The following MICAL3 variants were observed in gnomAD, a reference collection of about 807,000 sequenced individuals.
The protein encoded by MICAL3 is [F-actin]-monooxygenase MICAL3.
In MICAL3, 62 loss-of-function variants were observed where a neutral mutation model predicts 207.4. The ratio of observed to expected loss-of-function variants is 0.30; its 90% confidence interval spans 0.24 to 0.37. MICAL3 has a LOEUF of 0.37. MICAL3 is among the 10% of genes least tolerant of loss of function. The pLI is 1.00. For synonymous variants in MICAL3, 1,077 were observed against 1,069.3 expected (o/e 1.01, Z -0.14); for missense variants, 2,368 against 2,635.6 (o/e 0.90, Z 2.22).
Position 17,953,930 on chromosome 22 carries a change from C to CAAAAAAAAAAAAAAAAAAAAAAAAAAA in MICAL3, c.-74-47071_-74-47045dup, listed in dbSNP as rs59740388. ...CAGGTGACAGAGTAAGACTCCATCT[C>CAAAAAAAAAAAAAAAAAAAAAAAAAAA]AAAAAAAAAAAAAAAAAAAAAAAAA... On this transcript the variant is annotated intron_variant, in intron 1 of 31. Coordinates refer to ENST00000441493, the MANE Select transcript of MICAL3 (RefSeq NM_015241.3). 4.9e-4 allele frequency among the ~76,000 whole-genome samples: 42 copies of CAAAAAAAAAAAAAAAAAAAAAAAAAAA among 86,518 alleles called. 3 individuals are homozygous for CAAAAAAAAAAAAAAAAAAAAAAAAAAA. Among genetic ancestry groups the CAAAAAAAAAAAAAAAAAAAAAAAAAAA allele is most frequent in the South Asian group, 1.4e-3 (3 of 2,076 alleles). 56.8% of individuals were successfully genotyped at this position (86,518 alleles called of 152,430 possible).
chr22:17,802,612 T>C (rs779443568), intron 29 of MICAL3, among the ~76,000 whole-genome samples: 1 of 152,154 alleles, frequency 6.6e-6, no homozygotes, highest in Non-Finnish European at 1.5e-5. Flanking sequence ...ACAGTCTCTC[T>C]TCCCAGGGAG....
At chr22:17,877,209 G>A (rs1386951795) in intron 16 of MICAL3, among the ~76,000 whole-genome samples, 4 of 114,126 alleles carry the variant, frequency 3.5e-5, no homozygotes, top group East Asian at 2.5e-4. Flanking sequence ...GGAGGTTATG[G>A]AGGTTATGGA....
rs146112015 is a variant in MICAL3 at position 17,863,702 on chromosome 22, T to G, written c.2605+1197A>C. On this transcript the variant is annotated intron_variant, in intron 19 of 31. Coordinates refer to ENST00000441493, the MANE Select transcript of MICAL3 (RefSeq NM_015241.3). Reference sequence around the variant, plus strand: ...GGCTCCCAGGGCACACCGCCTAGCCTCTGGGCGCATCTTCCCTCTCCCAGA... The same window carrying G: ...GGCTCCCAGGGCACACCGCCTAGCCGCTGGGCGCATCTTCCCTCTCCCAGA... The G allele has an allele frequency of 4.9e-4, 485 of 985,410 alleles. 1 individual carries two copies. In the African/African-American group the frequency reaches 7.9e-3, roughly 16 times the overall value. 61.0% of individuals were successfully genotyped at this position (985,410 alleles called of 1,614,324 possible).
intron 18 of MICAL3, 76 bp downstream of exon 18, chr22:17,865,848 T>G: frequency 8.1e-7 from 1 of 1,227,724 alleles, no homozygotes. Context: ...ATTTGCAGGT[T>G]GGCCGCCCCC....
chr22:17,879,967 C>T (rs1330698754), intron 16 of MICAL3, among the ~76,000 whole-genome samples: 1 of 152,202 alleles, frequency 6.6e-6, no homozygotes, highest in Admixed American at 6.5e-5. Flanking sequence ...TAAAGACCTG[C>T]AGGTAGGGAC....
chr22:17,792,648 T>C (rs116955735), intron 29 of MICAL3, among the ~76,000 whole-genome samples: 2,741 of 152,318 alleles, frequency 0.018, 31 homozygotes, highest in African/African-American at 0.022. Context: ...CTCTACCCAG[T>C]GGCCACACCA....
At chr22:17,828,217 A>C (rs1263353998) in intron 21 of MICAL3, among the ~76,000 whole-genome samples, 5 of 152,194 alleles carry the variant, frequency 3.3e-5, no homozygotes, top group Non-Finnish European at 5.9e-5. Context: ...CCCAGGATGC[A>C]CTATCCTGCC....
At chr22:17,979,310 C>T (rs923144959) in intron 1 of MICAL3, among the ~76,000 whole-genome samples, 2 of 151,918 alleles carry the variant, frequency 1.3e-5, no homozygotes, top group South Asian at 2.1e-4. Flanking sequence ...TTTGGGAGGC[C>T]GAGGCGAGCG....
At chr22:17,937,813 A>G (rs1024979013) in intron 1 of MICAL3, among the ~76,000 whole-genome samples, 2 of 152,220 alleles carry the variant, frequency 1.3e-5, no homozygotes, top group Non-Finnish European at 2.9e-5. Context: ...CCCCAGATTC[A>G]TGAGTTCCTG....
chr22:17,857,688 T>C (rs75764597), intron 19 of MICAL3, among the ~76,000 whole-genome samples: 2,372 of 152,350 alleles, frequency 0.016, 60 homozygotes, highest in African/African-American at 0.054. Context: ...ATTTTTCTAG[T>C]AGCTGTCCCA....
intron 17 of MICAL3, among the ~76,000 whole-genome samples, chr22:17,871,375 A>G (rs1306364674): frequency 1.3e-5 from 2 of 152,196 alleles, no homozygotes; most frequent in Non-Finnish European, 2.9e-5. Flanking sequence ...AGGTGTTAAC[A>G]CGGGCCACCT....
Position 17,900,744 on chromosome 22 carries a change from G to T in MICAL3, c.847+98C>A. On this transcript the variant is annotated intron_variant, in intron 6 of 31. Coordinates refer to ENST00000441493, the MANE Select transcript of MICAL3 (RefSeq NM_015241.3). This position sits in a 1 kb window ranked among gnomAD's most constrained non-coding sequence, Gnocchi z 4.0. ...GCAGGAGGGGCAGACAGTGCAGGAG[G>T]GACACCGACGGCCACTCACCCCACC... is the stretch of plus-strand genomic sequence containing the variant. 1 of 1,001,718 alleles carries T rather than the reference G, an allele frequency of 1.0e-6. No individual in the cohort carries two copies. Among genetic ancestry groups the T allele is most frequent in the Non-Finnish European group, 1.5e-6 (1 of 654,284 alleles). The allele number at this position is 1,001,718 out of a possible 1,614,324, so 62.1% of individuals were successfully genotyped here.
chr22:17,911,411 T>C (rs1262833465), intron 1 of MICAL3, among the ~76,000 whole-genome samples: 2 of 152,126 alleles, frequency 1.3e-5, no homozygotes, highest in Non-Finnish European at 2.9e-5. Flanking sequence ...CTTAGTTTTC[T>C]CCCTAGCCAA....
chr22:17,933,279 C>A (rs1933358965), intron 1 of MICAL3, among the ~76,000 whole-genome samples: 1 of 152,218 alleles, frequency 6.6e-6, no homozygotes, highest in South Asian at 2.1e-4. Flanking sequence ...GTCTCTCAGA[C>A]AACAGTGCAA....
At position 17,868,899 on chromosome 22, in the gene MICAL3, C is replaced by T. The variant is rs544358854; in HGVS notation, c.2429-2887G>A. On this transcript the variant is annotated intron_variant, in intron 17 of 31. Coordinates refer to ENST00000441493, the MANE Select transcript of MICAL3 (RefSeq NM_015241.3). ...AGCAGACAGAATGGTTCTCCACAGA[C>T]GCATGGATGAGACAGTGCGAGCCCT... 7.9e-5 allele frequency among the ~76,000 whole-genome samples: 12 copies of T among 151,986 alleles called. No homozygotes were observed. The South Asian group carries it at 1.7e-3, about 21-fold the overall frequency.
Position 17,821,527 on chromosome 22 carries a change from A to G in MICAL3, c.3449-18T>C. On this transcript the variant is annotated intron_variant, in intron 24 of 31. Coordinates refer to ENST00000441493, the MANE Select transcript of MICAL3 (RefSeq NM_015241.3). ...GGAGGGACCTGAAAAGAATGAACAC[A>G]GGGACTTACAAGAGGAAGCCCCCCC... is the stretch of plus-strand genomic sequence containing the variant. The G allele has an allele frequency of 6.5e-7, 1 of 1,531,890 alleles. No individual in the cohort carries two copies. The highest frequency in any genetic ancestry group is 8.8e-7 in the Non-Finnish European group (1 of 1,138,498). 94.9% of individuals were successfully genotyped at this position (1,531,890 alleles called of 1,614,324 possible). A position where few individuals can be genotyped will look rare whatever the true frequency, so the allele number is the denominator to read the frequency against.
In MICAL3 at chr22:17,791,077, G is replaced by A. The variant is rs372046595; in HGVS notation, c.5751-6C>T. ...CCAGCTCCAGCTCCCGGGCACTGAGGAGGCAGGGCAGGAGGGAGACAAGCC... is the reference window on the plus strand; with the variant it reads ...CCAGCTCCAGCTCCCGGGCACTGAGAAGGCAGGGCAGGAGGGAGACAAGCC... On this transcript the variant is annotated splice_region_variant and splice_polypyrimidine_tract_variant and intron_variant, in intron 30 of 31. Coordinates refer to ENST00000441493, the MANE Select transcript of MICAL3 (RefSeq NM_015241.3). 5.0e-6 allele frequency: 8 copies of A among 1,610,824 alleles called. No individual in the cohort carries two copies. The African/African-American group carries it at 9.3e-5, about 19-fold the overall frequency.
At chr22:17,963,039 A>C (rs181286122) in intron 1 of MICAL3, among the ~76,000 whole-genome samples, 1 of 152,322 alleles carries the variant, frequency 6.6e-6, no homozygotes, top group Admixed American at 6.5e-5. Flanking sequence ...GGTGTGAGCC[A>C]CCACACCTAG....
At chr22:17,866,209 C>T (rs1370085589) in intron 17 of MICAL3, among the ~76,000 whole-genome samples, 197 bp from the exon 18 acceptor site, 1 of 152,204 alleles carries the variant, frequency 6.6e-6, no homozygotes, top group East Asian at 1.9e-4. Context: ...CTCTCCTCTC[C>T]CTTGGCCTGA....
Sources: allele counts gnomAD v4.1 joint callset (sites outside exome capture counted in the v4.1 genomes callset), GRCh38; gene constraint gnomAD v4.1.1; non-coding constraint Gnocchi (gnomAD v3.1); transcripts MANE v1.5; gene names NCBI Gene and HGNC (gene_info 2026-07-23, HGNC 2026-07-21).